The following VWA3A variants were observed in gnomAD, a reference collection of about 807,000 sequenced individuals.
The protein encoded by VWA3A is von Willebrand factor A domain-containing protein 3A.
Under a neutral mutation model 160.4 loss-of-function variants are expected in VWA3A, and 134 were observed. The observed-to-expected ratio is 0.84, with a 90% CI of 0.73 to 0.96. VWA3A has a LOEUF of 0.96. VWA3A is among the 40% of genes least tolerant of loss of function. The pLI, the probability that VWA3A is intolerant of heterozygous loss-of-function variation, is 0.00. For synonymous variants in VWA3A, 476 were observed against 543.4 expected (o/e 0.88, Z 1.72); for missense variants, 1,310 against 1,447.9 (o/e 0.90, Z 1.55).
intron 25 of VWA3A, among the ~76,000 whole-genome samples, chr16:22,143,272 G>A (rs2046186974): frequency 6.6e-6 from 1 of 152,058 alleles, no homozygotes; most frequent in East Asian, 1.9e-4. Context: ...GGTGACCTTG[G>A]GCAAATCACC....
intron 27 of VWA3A, among the ~76,000 whole-genome samples, chr16:22,146,922 C>T (rs1282592637): frequency 1.3e-5 from 2 of 152,194 alleles, no homozygotes; most frequent in Admixed American, 6.5e-5. Flanking sequence ...CTGCAAGTGA[C>T]AAGGGGCTCA....
chr16:22,118,885 G>A lies in VWA3A; in HGVS notation c.991-17G>A, dbSNP rs1292075251. On this transcript the variant is annotated splice_polypyrimidine_tract_variant and intron_variant, in intron 11 of 33. Transcript: ENST00000389398. The stretch of plus-strand genomic sequence containing the variant: ...GTCAAGTGATTCCGGATGTCTGATT[G>A]CTCTTGCCACCCTCAGCACTACACC... 6.2e-7 allele frequency: 1 copy of A among 1,613,490 alleles called. No homozygotes were observed. The highest frequency in any genetic ancestry group is 8.5e-7 in the Non-Finnish European group (1 of 1,179,726).
At chr16:22,154,331 T>C (rs797000516) in intron 31 of VWA3A, among the ~76,000 whole-genome samples, 12 of 136,584 alleles carry the variant, frequency 8.8e-5, no homozygotes, top group East Asian at 2.1e-4. Context: ...TTCTTTTTTT[T>C]TTTTTTTTTT....
At chr16:22,132,453 C>T (rs1407722419) in intron 19 of VWA3A, among the ~76,000 whole-genome samples, 4 of 151,960 alleles carry the variant, frequency 2.6e-5, no homozygotes, top group African/African-American at 7.2e-5. Context: ...GAGGCTGAGG[C>T]AGAAGGATTG....
At position 22,126,301 on chromosome 16, in the gene VWA3A, T is replaced by C; in HGVS notation, c.1652+4T>C. On this transcript the variant is annotated splice_donor_region_variant and intron_variant, in intron 17 of 33. Transcript: ENST00000389398. Reference sequence around the variant, plus strand: ...AGGACTGTTTCAACCTCATCGCGTATGTGTCTCCTGGCTCCTGGGGGCAAG... The same window carrying C: ...AGGACTGTTTCAACCTCATCGCGTACGTGTCTCCTGGCTCCTGGGGGCAAG... 6.2e-7 allele frequency: 1 copy of C among 1,610,700 alleles called. No individual in the cohort carries two copies. The highest frequency in any genetic ancestry group is 8.5e-7 in the Non-Finnish European group (1 of 1,177,532).
intron 14 of VWA3A, among the ~76,000 whole-genome samples, chr16:22,122,281 GTGGATGGATGGATGGA>G (rs753561947): frequency 1.4e-5 from 2 of 146,652 alleles, no homozygotes; most frequent in African/African-American, 5.1e-5. Flanking sequence ...GGATGGATGG[GTGGATGGATGGATGGA>G]TGGATGGATG....
At chr16:22,147,345 C>T (rs1567225210) in intron 27 of VWA3A, among the ~76,000 whole-genome samples, 1 of 152,168 alleles carries the variant, frequency 6.6e-6, no homozygotes, top group Non-Finnish European at 1.5e-5. Context: ...ACCAAGTCCC[C>T]TCCAGGAGAG....
rs370872359 is a variant in VWA3A, at chr16:22,146,312, G to C, written c.2807G>C (p.Arg936Pro). The C allele has an allele frequency of 1.3e-5, 21 of 1,613,270 alleles. No homozygotes were observed. Among genetic ancestry groups the C allele is most frequent in the Non-Finnish European group, 1.8e-5 (21 of 1,179,588 alleles). Residue 936 changes from arginine (R) to proline (P), a missense_variant, in exon 27 of 34, where the codon CGC becomes CCC. Physicochemically the swap from Arg to Pro is moderately radical, Grantham distance 103. Transcript: ENST00000389398. Reference protein sequence around the residue: ...YIRHLEKVLRRYVQRLQWLLS... With the variant: ...YIRHLEKVLRPYVQRLQWLLS... ...AGGCACTTGGAGAAGGTGTTAAGGC[G>C]CTATGTCCAGAGGCTGCAGTGGCTG...
chr16:22,150,178 G>C (rs912946574), intron 29 of VWA3A, among the ~76,000 whole-genome samples: 3 of 152,150 alleles, frequency 2.0e-5, no homozygotes, highest in Non-Finnish European at 4.4e-5. Flanking sequence ...AAGGCAGGTG[G>C]ATCACCTGAG....
intron 30 of VWA3A, 33 bp downstream of exon 30, chr16:22,150,879 CT>C: frequency 6.3e-7 from 1 of 1,593,976 alleles, no homozygotes; most frequent in Non-Finnish European, 8.6e-7. Context: ...GAGTTTTATT[CT>C]TTTTCCACAG....
In VWA3A at chr16:22,121,635, T is replaced by G. The variant is rs761930085; in HGVS notation, c.1356+18T>G. On this transcript the variant is annotated intron_variant, in intron 14 of 33. Coordinates refer to ENST00000389398, the MANE Select transcript of VWA3A (RefSeq NM_173615.5). ...TCCATGAGGTAATTCAGATTCATAA[T>G]TCTCTCCAGTCCTCCACAGGAGAGC... The G allele has an allele frequency of 6.3e-7, 1 of 1,579,608 alleles. No homozygotes were observed. Among genetic ancestry groups the G allele is most frequent in the South Asian group, 1.1e-5 (1 of 90,412 alleles).
rs769183872 is a variant in VWA3A at position 22,126,194 on chromosome 16, G to T, written c.1549G>T (p.Asp517Tyr). Residue 517 changes from aspartate to tyrosine, a missense_variant, in exon 17 of 34, where the codon GAT (aspartate) becomes TAT (tyrosine). Asp to Tyr is a radical substitution (Grantham distance 160). Coordinates refer to ENST00000389398, the MANE Select transcript of VWA3A (RefSeq NM_173615.5). Reference protein sequence around the residue: ...VCEKRVVVLLDISATNSMYII... With the variant: ...VCEKRVVVLLYISATNSMYII... ...TCCTTTTAGGGTGGTTGTACTGCTC[G>T]ATATCTCTGCGACCAATTCCATGTA... 3.1e-6 allele frequency: 5 copies of T among 1,613,676 alleles called. No individual in the cohort carries two copies. Among genetic ancestry groups the T allele is most frequent in the Non-Finnish European group, 4.2e-6 (5 of 1,179,830 alleles).
chr16:22,099,083 G>A (rs1355724766), intron 3 of VWA3A, among the ~76,000 whole-genome samples: 1 of 151,682 alleles, frequency 6.6e-6, no homozygotes, highest in Non-Finnish European at 1.5e-5. Flanking sequence ...GCAATAAAAT[G>A]AGACCCTGTC....
chr16:22,116,165 GAAAGAAAC>G (rs2045639831), intron 9 of VWA3A, among the ~76,000 whole-genome samples: 1 of 140,920 alleles, frequency 7.1e-6, no homozygotes, highest in African/African-American at 2.7e-5. Context: ...AAGGAAGAAA[GAAAGAAAC>G]AAAGAATGAA....
At chr16:22,123,406 T>C in intron 15 of VWA3A, 3 of 1,493,910 alleles carry the variant, frequency 2.0e-6, no homozygotes, top group Non-Finnish European at 2.7e-6. Context: ...TCCTTCCCCA[T>C]TTGATGCAAT....
Position 22,123,706 on chromosome 16 carries a change from A to G in VWA3A, c.1531A>G (p.Arg511Gly). The G allele has an allele frequency of 6.2e-7, 1 of 1,613,212 alleles. No homozygotes were observed. The highest frequency in any genetic ancestry group is 8.5e-7 in the Non-Finnish European group (1 of 1,179,468). ...RRIWGTVCEK[R>G]VVVLLDISAT... ...AATCTGGGGCACAGTCTGTGAAAAA[A>G]GGTACCTTTCTTAAGCAGGGTTCTT... is the stretch of plus-strand genomic sequence containing the variant. Residue 511 changes from arginine (R) to glycine (G), a missense_variant and splice_region_variant, in exon 16 of 34, where the codon AGG becomes GGG. Transcript: ENST00000389398.
chr16:22,095,672 C>T (rs1171087864), intron 1 of VWA3A, among the ~76,000 whole-genome samples: 1 of 152,104 alleles, frequency 6.6e-6, no homozygotes, highest in Non-Finnish European at 1.5e-5. Context: ...ATCCTCCTGC[C>T]TCAGCCTCCC....
intron 31 of VWA3A, among the ~76,000 whole-genome samples, chr16:22,155,144 G>T (rs2046419760): frequency 1.3e-5 from 2 of 152,044 alleles, no homozygotes; most frequent in Non-Finnish European, 2.9e-5. Flanking sequence ...ACAGAGCAAG[G>T]CTCTGTCTCT....
intron 22 of VWA3A, among the ~76,000 whole-genome samples, chr16:22,139,637 GT>G (rs1463115705): frequency 6.6e-6 from 1 of 152,176 alleles, no homozygotes; most frequent in Non-Finnish European, 1.5e-5. Context: ...AGAGTTTGCA[GT>G]GAGTCGAGAT....
Sources: gnomAD v4.1 joint callset for allele counts (sites outside exome capture counted in the v4.1 genomes callset) on GRCh38, gnomAD v4.1.1 for gene constraint, MANE v1.5 for transcripts, NCBI Gene and HGNC (gene_info 2026-07-23, HGNC 2026-07-21) for gene names.